Variants in PDSS2 observed in about 807,000 individuals in gnomAD.
PDSS2 encodes the protein decaprenyl diphosphate synthase subunit 2.
PDSS2 carries 31 observed loss-of-function variants against 44.5 expected under a neutral mutation model. The observed-to-expected ratio is 0.70, with a 90% confidence interval of 0.52 to 0.94. The LOEUF (loss-of-function observed/expected upper bound fraction) is 0.94, where lower values mean the gene tolerates loss of function less well. Ranked by LOEUF, PDSS2 falls within the 40% of genes least tolerant of loss-of-function variation. The pLI is 0.00. For missense variants in PDSS2, 452 were observed against 482.2 expected, an observed-to-expected ratio of 0.94 and a Z score of 0.59; for synonymous variants, 157 against 180.3, an observed-to-expected ratio of 0.87 and a Z score of 1.03.
intron 1 of PDSS2, among the ~76,000 whole-genome samples, chr6:107,421,094 C>T (rs942875618): frequency 6.6e-5 from 10 of 152,128 alleles, no homozygotes; most frequent in Non-Finnish European, 1.2e-4. Flanking sequence ...CATGAAAAAA[C>T]GTTCGACATC....
intron 1 of PDSS2, among the ~76,000 whole-genome samples, chr6:107,455,705 G>A (rs1015505387): frequency 3.2e-5 from 4 of 124,594 alleles, no homozygotes; most frequent in Non-Finnish European, 4.7e-5. Flanking sequence ...AGTGAGCCGA[G>A]ATCAGGCCAC....
rs1368135579 is a variant in PDSS2, at chr6:107,196,524, T to A, written c.1009-2670A>T. ...AGTTTTCCACTTTTTCCACTCTCCA[T>A]CCTTTTCCTTGTCTTTTGCTGACTA... On this transcript the variant is annotated intron_variant, in intron 6 of 7. Coordinates refer to ENST00000369037, the MANE Select transcript of PDSS2 (RefSeq NM_020381.4). Among the ~76,000 whole-genome samples the A allele has an allele frequency of 2.6e-5, 4 of 152,352 alleles. No homozygotes were observed. In the East Asian group the frequency reaches 7.7e-4, roughly 29 times the overall value.
chr6:107,174,749 G>T (rs1771726837), intron 7 of PDSS2, among the ~76,000 whole-genome samples: 1 of 152,070 alleles, frequency 6.6e-6, no homozygotes. Context: ...GACAAAACTA[G>T]AAAGAGACAA....
chr6:107,259,429 A>G (rs1438766259), intron 3 of PDSS2, among the ~76,000 whole-genome samples: 1 of 152,030 alleles, frequency 6.6e-6, no homozygotes, highest in African/African-American at 2.4e-5. Context: ...TTGGGAGGCC[A>G]AGGTGGGCGG....
At chr6:107,367,811 A>G (rs1248822904) in intron 1 of PDSS2, among the ~76,000 whole-genome samples, 1 of 151,332 alleles carries the variant, frequency 6.6e-6, no homozygotes, top group East Asian at 1.9e-4. Context: ...TCAAAAAAAA[A>G]AAAAAAAAAA....
At chr6:107,228,453 G>A (rs1773911570) in intron 4 of PDSS2, among the ~76,000 whole-genome samples, 3 of 152,130 alleles carry the variant, frequency 2.0e-5, no homozygotes, top group African/African-American at 7.2e-5. Context: ...CAGCACTTTG[G>A]GAGGCCGAGG....
intron 1 of PDSS2, 130 bp downstream of exon 1, chr6:107,458,860 G>A (rs964508276): frequency 7.4e-5 from 57 of 772,770 alleles, no homozygotes; most frequent in Non-Finnish European, 1.2e-4. Flanking sequence ...TCTAGGAGGA[G>A]TGAGTAAAAA....
intron 1 of PDSS2, among the ~76,000 whole-genome samples, chr6:107,451,154 T>C (rs924042706): frequency 2.0e-5 from 3 of 152,196 alleles, no homozygotes; most frequent in South Asian, 2.1e-4. Flanking sequence ...TTATAAGAAA[T>C]TGTTATGCTG....
At chr6:107,350,755 A>G (rs1179805723) in intron 1 of PDSS2, among the ~76,000 whole-genome samples, 1 of 152,158 alleles carries the variant, frequency 6.6e-6, no homozygotes, top group Non-Finnish European at 1.5e-5. Context: ...GGATGCAGTG[A>G]GCTATGATCA....
intron 1 of PDSS2, among the ~76,000 whole-genome samples, chr6:107,455,714 A>G (rs1384165212): frequency 7.8e-6 from 1 of 128,756 alleles, no homozygotes; most frequent in Non-Finnish European, 1.6e-5. Flanking sequence ...AGATCAGGCC[A>G]CTGGGCACTC....
At chr6:107,243,539 T>C (rs968781375) in intron 4 of PDSS2, among the ~76,000 whole-genome samples, 1 of 152,240 alleles carries the variant, frequency 6.6e-6, no homozygotes, top group Non-Finnish European at 1.5e-5. Flanking sequence ...GAAATATAGA[T>C]ATCTTATATG....
chr6:107,443,540 T>C (rs899545935), intron 1 of PDSS2, among the ~76,000 whole-genome samples: 12 of 152,248 alleles, frequency 7.9e-5, no homozygotes, highest in Admixed American at 5.2e-4. Flanking sequence ...AGTTGGTTCA[T>C]GTATCTTGTC....
intron 3 of PDSS2, among the ~76,000 whole-genome samples, chr6:107,265,351 T>A (rs1775379517): frequency 6.6e-6 from 1 of 152,026 alleles, no homozygotes; most frequent in African/African-American, 2.4e-5. Flanking sequence ...CAGACAAGAA[T>A]CCAGTAGCAC....
At chr6:107,278,121 A>G (rs376398235) in intron 2 of PDSS2, among the ~76,000 whole-genome samples, 1 of 152,268 alleles carries the variant, frequency 6.6e-6, no homozygotes, top group Non-Finnish European at 1.5e-5. Flanking sequence ...AATGCCAAGG[A>G]AAATCTCATG....
At chr6:107,288,291 A>C (rs1439629774) in intron 2 of PDSS2, among the ~76,000 whole-genome samples, 1 of 152,212 alleles carries the variant, frequency 6.6e-6, no homozygotes, top group Non-Finnish European at 1.5e-5. Context: ...CGCCTTCAAA[A>C]GTTGGTAAGT....
At chr6:107,369,235 T>C (rs2086204) in intron 1 of PDSS2, among the ~76,000 whole-genome samples, 79,985 of 151,926 alleles carry the variant, frequency 0.53, 22,294 homozygotes, top group Middle Eastern at 0.73. Context: ...CTGGCCAACA[T>C]GGTGAAACTC....
intron 7 of PDSS2, among the ~76,000 whole-genome samples, chr6:107,186,461 T>A (rs1772168059): frequency 6.7e-6 from 1 of 149,204 alleles, no homozygotes; most frequent in African/African-American, 2.4e-5. Flanking sequence ...AGTGCATGAC[T>A]GAAATAATTA....
chr6:107,288,890 C>G (rs1345850822), intron 2 of PDSS2, among the ~76,000 whole-genome samples: 1 of 149,520 alleles, frequency 6.7e-6, no homozygotes, highest in African/African-American at 2.5e-5. Flanking sequence ...TCCCGAGTAG[C>G]TGGGATTACA....
At chr6:107,240,586 T>C (rs1223281995) in intron 4 of PDSS2, among the ~76,000 whole-genome samples, 1 of 151,678 alleles carries the variant, frequency 6.6e-6, no homozygotes, top group African/African-American at 2.4e-5. Context: ...TTAGTACAGA[T>C]GGAGTTTCGC....
Sources: allele counts gnomAD v4.1 joint callset (sites outside exome capture counted in the v4.1 genomes callset), GRCh38; gene constraint gnomAD v4.1.1; transcripts MANE v1.5; gene names NCBI Gene and HGNC (gene_info 2026-07-23, HGNC 2026-07-21).